SFXN1: variants seen among roughly 807,000 people sequenced by gnomAD.
The protein encoded by SFXN1 is sideroflexin-1.
Under a neutral mutation model 39.5 loss-of-function variants are expected in SFXN1, and 32 were observed. The ratio of observed to expected loss-of-function variants is 0.81; its 90% CI spans 0.61 to 1.09. SFXN1 has a LOEUF of 1.09. Ranked by LOEUF, SFXN1 falls within the 50% of genes least tolerant of loss-of-function variation. The pLI is 0.00. For missense variants in SFXN1, 402 were observed against 407.1 expected (o/e 0.99, Z 0.11); for synonymous variants, 136 against 146.5 (o/e 0.93, Z 0.52).
rs554124017 is a variant in SFXN1, at chr5:175,521,766, A to G, written c.775-153A>G. ...AAAGAAGGTTACAGGAAGTTAGGCT[A>G]ACACCCTTGTTGCAGCATTTCCCCC... On this transcript the variant is annotated intron_variant, in intron 8 of 10. Coordinates refer to ENST00000321442, the MANE Select transcript of SFXN1 (RefSeq NM_022754.7). 1.9e-5 allele frequency: 11 copies of G among 577,098 alleles called. No individual in the cohort carries two copies. The South Asian group carries it at 3.2e-4, about 17-fold the overall frequency. The allele number at this position is 577,098 out of a possible 1,614,324, so 35.7% of individuals were successfully genotyped here. A position where few individuals can be genotyped will look rare whatever the true frequency, so the allele number is the denominator to read the frequency against.
chr5:175,502,609 G>C (rs1343116684), intron 2 of SFXN1, among the ~76,000 whole-genome samples: 1 of 152,180 alleles, frequency 6.6e-6, no homozygotes, highest in East Asian at 1.9e-4. Flanking sequence ...GGAGGCGGAG[G>C]CGGGAGGATT....
chr5:175,526,984 T>G lies in SFXN1; in HGVS notation c.*250T>G, dbSNP rs1480729801. The G allele has an allele frequency of 5.9e-5, 29 of 488,656 alleles. 1 individual carries two copies. The Admixed American group carries it at 1.1e-3, about 19-fold the overall frequency. The allele number at this position is 488,656 out of a possible 1,614,324, so 30.3% of individuals were successfully genotyped here. A position where few individuals can be genotyped will look rare whatever the true frequency, so the allele number is the denominator to read the frequency against. On this transcript the variant is annotated 3_prime_UTR_variant, in exon 11 of 11. Coordinates refer to ENST00000321442, the MANE Select transcript of SFXN1 (RefSeq NM_022754.7). ...TTCCTGTAGCTTTTATAGTCATTGT[T>G]TTTCAAAGACGATATACCAGCCCTC... is the stretch of plus-strand genomic sequence containing the variant.
chr5:175,481,480 C>T (rs267366), intron 1 of SFXN1, among the ~76,000 whole-genome samples: 64,432 of 151,980 alleles, frequency 0.42, 15,570 homozygotes, highest in Non-Finnish European at 0.54. Flanking sequence ...TGCCACCATG[C>T]GCCTGTTGTA....
In SFXN1 at chr5:175,526,803, A is replaced by C. The variant is rs1171539332; in HGVS notation, c.*69A>C. The stretch of plus-strand genomic sequence containing the variant: ...TGGTGTAGCCATGCTGGTGAGAAAA[A>C]TCCTGTTCAACCTGGGTTCTCCCAG... On this transcript the variant is annotated 3_prime_UTR_variant, in exon 11 of 11. Coordinates refer to ENST00000321442, the MANE Select transcript of SFXN1 (RefSeq NM_022754.7). The C allele has an allele frequency of 2.3e-6, 3 of 1,329,346 alleles. No individual in the cohort carries two copies. In the African/African-American group the frequency reaches 4.4e-5, roughly 19 times the overall value. 82.3% of individuals were successfully genotyped at this position (1,329,346 alleles called of 1,614,324 possible). A position where few individuals can be genotyped will look rare whatever the true frequency, so the allele number is the denominator to read the frequency against.
At chr5:175,517,351 G>A (rs926413574) in intron 8 of SFXN1, among the ~76,000 whole-genome samples, 3 of 151,960 alleles carry the variant, frequency 2.0e-5, no homozygotes, top group Non-Finnish European at 4.4e-5. Flanking sequence ...GAAGTGTGCT[G>A]CCATGCCTAC....
At chr5:175,503,614 C>A (rs1760164076) in intron 2 of SFXN1, among the ~76,000 whole-genome samples, 1 of 152,164 alleles carries the variant, frequency 6.6e-6, no homozygotes, top group African/African-American at 2.4e-5. Context: ...GGTGGTACTT[C>A]TTTAATTATG....
In SFXN1 at chr5:175,492,867, T is replaced by C. The variant is rs549485607; in HGVS notation, c.164+600T>C. ...TGGCCACTTTTTCTGTAAAAGATCA[T>C]ATAGGAACTATTTCAGCCTTTGTGG... is the stretch of plus-strand genomic sequence containing the variant. On this transcript the variant is annotated intron_variant, in intron 2 of 10. Coordinates refer to ENST00000321442, the MANE Select transcript of SFXN1 (RefSeq NM_022754.7). 3.9e-5 allele frequency among the ~76,000 whole-genome samples: 6 copies of C among 152,346 alleles called. No individual in the cohort carries two copies. In the East Asian group the frequency reaches 1.2e-3, roughly 29 times the overall value.
chr5:175,502,698 G>A (rs570859703), intron 2 of SFXN1, among the ~76,000 whole-genome samples: 14 of 152,180 alleles, frequency 9.2e-5, no homozygotes, highest in East Asian at 3.9e-4. Context: ...AAAATTAGCC[G>A]GGCATGGTGG....
intron 10 of SFXN1, among the ~76,000 whole-genome samples, chr5:175,526,436 C>T (rs1420448940): frequency 6.6e-6 from 1 of 152,136 alleles, no homozygotes; most frequent in Admixed American, 6.6e-5. Flanking sequence ...GTGTTGGGTT[C>T]TCCAGTGCAT....
rs747968030 is a variant in SFXN1, at chr5:175,521,905, AT to A, written c.775-11del. The A allele has an allele frequency of 1.6e-5, 26 of 1,588,932 alleles. No homozygotes were observed. In the African/African-American group the frequency reaches 3.1e-4, roughly 19 times the overall value. On this transcript the variant is annotated splice_polypyrimidine_tract_variant and intron_variant, in intron 8 of 10. Coordinates refer to ENST00000321442, the MANE Select transcript of SFXN1 (RefSeq NM_022754.7). ...GTATAAAAAGTATTCAAAGCCATTT[AT>A]TTCTCAACACAGAGGTTCCCATGGA...
At chr5:175,502,232 T>C (rs1234933602) in intron 2 of SFXN1, among the ~76,000 whole-genome samples, 3 of 152,130 alleles carry the variant, frequency 2.0e-5, no homozygotes, top group African/African-American at 7.2e-5. Context: ...AGGTTCAGAT[T>C]CTTGGAGCCA....
chr5:175,518,226 G>T (rs188821767), intron 8 of SFXN1, among the ~76,000 whole-genome samples: 5 of 152,246 alleles, frequency 3.3e-5, no homozygotes, highest in African/African-American at 9.6e-5. Context: ...CTTTCATTGG[G>T]AGTGAAATTG....
Position 175,527,849 on chromosome 5 carries a change from A to G in SFXN1, c.*1115A>G, listed in dbSNP as rs370961730. ...TTCAACTCTGTAGATGTTTAACGTC[A>G]TAGACAGTTGGCCCTCTGTATCCGT... On this transcript the variant is annotated 3_prime_UTR_variant, in exon 11 of 11. Coordinates refer to ENST00000321442, the MANE Select transcript of SFXN1 (RefSeq NM_022754.7). 1.5e-4 allele frequency: 23 copies of G among 152,230 alleles called. No homozygotes were observed. In the East Asian group the frequency reaches 3.1e-3, roughly 20 times the overall value. 9.4% of individuals were successfully genotyped at this position (152,230 alleles called of 1,614,324 possible). A position where few individuals can be genotyped will look rare whatever the true frequency, so the allele number is the denominator to read the frequency against.
chr5:175,512,209 T>A lies in SFXN1; in HGVS notation c.596+13T>A. The A allele has an allele frequency of 6.2e-7, 1 of 1,611,090 alleles. No homozygotes were observed. The highest frequency in any genetic ancestry group is 8.5e-7 in the Non-Finnish European group (1 of 1,177,326). On this transcript the variant is annotated intron_variant, in intron 6 of 10. Transcript: ENST00000321442. ...TAATGAGGCAAAGGTAAGACGAATA[T>A]GCACTCTTAGTAGGGACATGTGCTT...
intron 7 of SFXN1, among the ~76,000 whole-genome samples, chr5:175,515,984 A>G (rs748496561): frequency 3.3e-5 from 5 of 152,110 alleles, no homozygotes; most frequent in Non-Finnish European, 7.3e-5. Flanking sequence ...GGCAACCTAG[A>G]TCCCTTGTAT....
intron 7 of SFXN1, chr5:175,513,861 ATAT>A: frequency 3.4e-6 from 1 of 294,448 alleles, no homozygotes; most frequent in East Asian, 6.7e-5. Flanking sequence ...TCGGTGATGA[ATAT>A]TCTGGCAGAG....
At chr5:175,505,574 T>TAATAATAATAATA (rs1760262520) in intron 2 of SFXN1, among the ~76,000 whole-genome samples, 2 of 84,548 alleles carry the variant, frequency 2.4e-5, no homozygotes, top group Admixed American at 2.5e-4. Flanking sequence ...TAATAATAAT[T>TAATAATAATAATA]CTAAGGTTTA....
At chr5:175,507,835 T>C (rs1354378442) in intron 2 of SFXN1, among the ~76,000 whole-genome samples, 1 of 152,172 alleles carries the variant, frequency 6.6e-6, no homozygotes, top group Non-Finnish European at 1.5e-5. Flanking sequence ...TAACCAGGCA[T>C]GGTGGCGCAT....
At chr5:175,508,282 G>A (rs1760386659) in intron 2 of SFXN1, among the ~76,000 whole-genome samples, 1 of 124,194 alleles carries the variant, frequency 8.1e-6, no homozygotes, top group African/African-American at 3.1e-5. Context: ...CTGGAGTACA[G>A]TGGTATGATG....
Sources: allele counts gnomAD v4.1 joint callset (sites outside exome capture counted in the v4.1 genomes callset), GRCh38; gene constraint gnomAD v4.1.1; transcripts MANE v1.5; gene names NCBI Gene and HGNC (gene_info 2026-07-23, HGNC 2026-07-21).